The following GLG1 variants were observed in gnomAD, a reference collection of about 807,000 sequenced individuals.
GLG1 encodes Golgi apparatus protein 1.
GLG1 carries 38 observed loss-of-function variants against 160.5 expected under a neutral mutation model. That is an observed-to-expected ratio of 0.24 (90% CI 0.18 to 0.31). The LOEUF is 0.31. Ranked by LOEUF, GLG1 falls within the 10% of genes least tolerant of loss-of-function variation. GLG1 has a pLI of 1.00. For missense variants in GLG1, 1,373 were observed against 1,505.2 expected, an observed-to-expected ratio of 0.91 and a Z score of 1.45; for synonymous variants, 644 against 543.4, an observed-to-expected ratio of 1.19 and a Z score of -2.57.
chr16:74,529,038 T>A (rs1317006209), intron 2 of GLG1, among the ~76,000 whole-genome samples: 1 of 150,032 alleles, frequency 6.7e-6, no homozygotes, highest in East Asian at 2.0e-4. Flanking sequence ...ACGATAGTGG[T>A]TCACTGCAAC....
chr16:74,484,897 T>C (rs1262865307), intron 9 of GLG1, among the ~76,000 whole-genome samples: 1 of 151,876 alleles, frequency 6.6e-6, no homozygotes, highest in East Asian at 1.9e-4. Context: ...GGATTACAGG[T>C]GTGAGCCACC....
Position 74,520,500 on chromosome 16 carries a change from G to A in GLG1, c.472-11575C>T, listed in dbSNP as rs199610650. ...AAGAATACAAAATTAGCTGGGCGTGGTGGCGCATGCCTGTAATCCCAGCTA... is the reference window on the plus strand; with the variant it reads ...AAGAATACAAAATTAGCTGGGCGTGATGGCGCATGCCTGTAATCCCAGCTA... On this transcript the variant is annotated intron_variant, in intron 2 of 25. Transcript: ENST00000422840. Among the ~76,000 whole-genome samples, 17 of 152,310 alleles carry A rather than the reference G, an allele frequency of 1.1e-4. No individual in the cohort carries two copies. In the East Asian group the frequency reaches 3.3e-3, roughly 29 times the overall value.
intron 1 of GLG1, among the ~76,000 whole-genome samples, chr16:74,585,323 C>T (rs1958024350): frequency 1.3e-5 from 2 of 151,856 alleles, no homozygotes; most frequent in Admixed American, 6.6e-5. Flanking sequence ...GCACGAGAAT[C>T]ACTTGAACCC....
At chr16:74,516,986 T>A (rs2016999987) in intron 2 of GLG1, among the ~76,000 whole-genome samples, 1 of 152,084 alleles carries the variant, frequency 6.6e-6, no homozygotes, top group African/African-American at 2.4e-5. Context: ...ACATACACCC[T>A]CCCAAGACTA....
chr16:74,447,446 CAA>C lies in GLG1; in HGVS notation c.*5719_*5720del, dbSNP rs1376483795. ...AGAAGATTTAACAAGTAAAAACCTG[CAA>C]ACTCTTTATTAAATTCTCCCATTTC... On this transcript the variant is annotated 3_prime_UTR_variant, in exon 26 of 26. Transcript: ENST00000422840. 2.0e-5 allele frequency: 3 copies of C among 152,128 alleles called. No homozygotes were observed. Among genetic ancestry groups the C allele is most frequent in the Admixed American group, 2.0e-4 (3 of 15,254 alleles). The allele number at this position is 152,128 out of a possible 1,614,324, so 9.4% of individuals were successfully genotyped here. A position where few individuals can be genotyped will look rare whatever the true frequency, so the allele number is the denominator to read the frequency against.
intron 2 of GLG1, among the ~76,000 whole-genome samples, chr16:74,524,951 G>T (rs567327801): frequency 6.6e-6 from 1 of 152,118 alleles, no homozygotes; most frequent in Admixed American, 6.6e-5. Context: ...TCCAGTTATT[G>T]AGGTTCATCC....
In GLG1 at chr16:74,540,018, ATATATAT is replaced by A. The variant is rs1164527189; in HGVS notation, c.439-7872_439-7866del. Reference sequence around the variant, plus strand: ...TATTTTATATATATATATTTTATATATATATATTATATATATTTTATATATATATTAT... The same window carrying A: ...TATTTTATATATATATATTTTATATATATATATATTTTATATATATATTAT... On this transcript the variant is annotated intron_variant, in intron 1 of 25. Coordinates refer to ENST00000422840, the MANE Select transcript of GLG1 (RefSeq NM_001145667.2). Among the ~76,000 whole-genome samples, 360 of 36,424 alleles carry A rather than the reference ATATATAT, an allele frequency of 9.9e-3. 130 individuals carry two copies. The highest frequency in any genetic ancestry group is 0.014 in the Non-Finnish European group (308 of 21,770). 23.9% of individuals were successfully genotyped at this position (36,424 alleles called of 152,430 possible). A position where few individuals can be genotyped will look rare whatever the true frequency, so the allele number is the denominator to read the frequency against.
At chr16:74,463,844 G>C (rs1039861838) in intron 19 of GLG1, 1 of 212,112 alleles carries the variant, frequency 4.7e-6, no homozygotes, top group African/African-American at 2.3e-5. Flanking sequence ...CAAAGTGCTG[G>C]GATTACAGGC....
intron 2 of GLG1, among the ~76,000 whole-genome samples, chr16:74,515,115 A>C (rs941549901): frequency 6.6e-6 from 1 of 152,218 alleles, no homozygotes; most frequent in Non-Finnish European, 1.5e-5. Flanking sequence ...ATATATATGC[A>C]CCCAATACAG....
chr16:74,463,406 T>G lies in GLG1; in HGVS notation c.2741A>C (p.Asp914Ala). 1 of 1,613,978 alleles carries G rather than the reference T, an allele frequency of 6.2e-7. No homozygotes were observed. The highest frequency in any genetic ancestry group is 8.5e-7 in the Non-Finnish European group (1 of 1,179,818). The change falls in exon 20 of 26, where the codon GAT (aspartate) becomes GCT (alanine). Residue 914 changes from aspartate to alanine, a missense_variant. Physicochemically the swap from Asp to Ala is moderately radical, Grantham distance 126. This residue lies in a region of GLG1 where 491 missense variants were observed against 632.1 expected (regional missense o/e 0.78). Coordinates refer to ENST00000422840, the MANE Select transcript of GLG1 (RefSeq NM_001145667.2). ...GGTTATCATCTGTTTGCATTTGGGATCCATCAATTCACTGTTTTTATTTTG... is the reference window on the plus strand; with the variant it reads ...GGTTATCATCTGTTTGCATTTGGGAGCCATCAATTCACTGTTTTTATTTTG... ...LKQNKNSELM[D>A]PKCKQMITKR...
Position 74,495,106 on chromosome 16 carries a change from C to CT in GLG1, c.979-276dup, listed in dbSNP as rs5817913. On this transcript the variant is annotated intron_variant, in intron 5 of 25. Coordinates refer to ENST00000422840, the MANE Select transcript of GLG1 (RefSeq NM_001145667.2). Reference sequence around the variant, plus strand: ...CCAAGAGAAGTGTTAGAGTCTGAGTCTTTTTTTTTTTTTTTTTTTTTGAGA... The same window carrying CT: ...CCAAGAGAAGTGTTAGAGTCTGAGTCTTTTTTTTTTTTTTTTTTTTTTGAGA... 4.0e-3 allele frequency among the ~76,000 whole-genome samples: 330 copies of CT among 83,154 alleles called. 5 individuals are homozygous for CT. The highest frequency in any genetic ancestry group is 0.014 in the African/African-American group (311 of 22,488). 54.6% of individuals were successfully genotyped at this position (83,154 alleles called of 152,430 possible).
chr16:74,457,526 T>C (rs4888240), intron 24 of GLG1, among the ~76,000 whole-genome samples: 106,397 of 152,106 alleles, frequency 0.7, 37,357 homozygotes, highest in East Asian at 0.81. Flanking sequence ...TCCACTGTCG[T>C]CACCGGGGAA....
intron 1 of GLG1, among the ~76,000 whole-genome samples, chr16:74,593,421 G>C (rs947765741): frequency 7.0e-6 from 1 of 142,198 alleles, no homozygotes; most frequent in Non-Finnish European, 1.5e-5. Flanking sequence ...TACAAGTGAA[G>C]TACCAGAGCT....
chr16:74,574,744 C>T (rs1362677238), intron 1 of GLG1, among the ~76,000 whole-genome samples: 1 of 151,198 alleles, frequency 6.6e-6, no homozygotes, highest in Non-Finnish European at 1.5e-5. Context: ...ATTAGCTGAG[C>T]ATGGTGGTGC....
intron 1 of GLG1, among the ~76,000 whole-genome samples, chr16:74,553,092 C>T (rs547574231): frequency 2.0e-5 from 3 of 151,866 alleles, no homozygotes; most frequent in Non-Finnish European, 2.9e-5. Flanking sequence ...TGGCGGCAGG[C>T]GCCTGTAATC....
Position 74,452,830 on chromosome 16 carries a change from TA to T in GLG1, c.*336del. The T allele has an allele frequency of 9.6e-7, 1 of 1,036,626 alleles. No individual in the cohort carries two copies. The highest frequency in any genetic ancestry group is 7.7e-5 in the East Asian group (1 of 12,928). The allele number at this position is 1,036,626 out of a possible 1,614,324, so 64.2% of individuals were successfully genotyped here. On this transcript the variant is annotated 3_prime_UTR_variant, in exon 26 of 26. Coordinates refer to ENST00000422840, the MANE Select transcript of GLG1 (RefSeq NM_001145667.2). ...AAATTTTTTTTTTTGGTGGTTTTCT[TA>T]AAAAAGCCTTTGAGTTGCAGGTCAG...
intron 22 of GLG1, among the ~76,000 whole-genome samples, chr16:74,461,317 G>A (rs538762611): frequency 7.3e-5 from 11 of 150,742 alleles, no homozygotes; most frequent in Non-Finnish European, 3.0e-5. Flanking sequence ...ACAGGTATAC[G>A]CCACCGGGCC....
At chr16:74,526,496 G>A (rs2017337872) in intron 2 of GLG1, among the ~76,000 whole-genome samples, 1 of 145,874 alleles carries the variant, frequency 6.9e-6, no homozygotes, top group Admixed American at 7.0e-5. Context: ...GGCTGAGAAG[G>A]TTGGATTGCT....
chr16:74,597,620 G>A lies in GLG1; in HGVS notation c.438+9037C>T, dbSNP rs574918603. Among the ~76,000 whole-genome samples the A allele has an allele frequency of 9.2e-5, 14 of 151,856 alleles. No individual in the cohort carries two copies. The South Asian group carries it at 1.5e-3, about 16-fold the overall frequency. ...TGTAATCCCAACACTTTGGGAGGCC[G>A]AAGCTGGCGGATAACGAGGTCAGGA... On this transcript the variant is annotated intron_variant, in intron 1 of 25. Coordinates refer to ENST00000422840, the MANE Select transcript of GLG1 (RefSeq NM_001145667.2).
Sources: allele counts gnomAD v4.1 joint callset (sites outside exome capture counted in the v4.1 genomes callset), GRCh38; gene constraint gnomAD v4.1.1; regional missense constraint gnomAD v4.1.1; transcripts MANE v1.5; gene names NCBI Gene and HGNC (gene_info 2026-07-23, HGNC 2026-07-21).